PIP5K1C: variants seen among roughly 807,000 people sequenced by gnomAD.
The protein encoded by PIP5K1C is phosphatidylinositol-4-phosphate 5-kinase type 1 gamma, also known as phosphatidylinositol 4-phosphate 5-kinase type-1 gamma.
In PIP5K1C, 45 loss-of-function variants were observed where a neutral mutation model predicts 80.1. The ratio of observed to expected loss-of-function variants is 0.56; its 90% CI spans 0.44 to 0.72. The LOEUF (loss-of-function observed/expected upper bound fraction) is 0.72, where lower values mean the gene tolerates loss of function less well. Ranked by LOEUF, PIP5K1C falls within the 30% of genes least tolerant of loss-of-function variation. The pLI is 0.00. For missense variants in PIP5K1C, 753 were observed against 954.6 expected (o/e 0.79, Z 2.78); for synonymous variants, 498 against 420.1 (o/e 1.19, Z -2.27).
At chr19:3,657,287 T>C (rs998297008) in intron 5 of PIP5K1C, among the ~76,000 whole-genome samples, 5 of 152,230 alleles carry the variant, frequency 3.3e-5, no homozygotes, top group African/African-American at 4.8e-5. Context: ...AGTTTTTTTG[T>C]GTCACTGACT....
At chr19:3,678,610 G>A (rs1237632952) in intron 1 of PIP5K1C, among the ~76,000 whole-genome samples, 2 of 129,420 alleles carry the variant, frequency 1.5e-5, no homozygotes, top group African/African-American at 3.0e-5. Flanking sequence ...ATGGAGGGGT[G>A]GAAGGAGGGA....
chr19:3,651,699 C>G, intron 8 of PIP5K1C, 127 bp downstream of exon 8: 1 of 948,340 alleles, frequency 1.1e-6, no homozygotes, highest in Non-Finnish European at 1.6e-6. Flanking sequence ...CTCCCAGACT[C>G]TGTCTGTCAC....
Position 3,643,358 on chromosome 19 carries a change from T to C in PIP5K1C, c.1534A>G (p.Thr512Ala). 1.9e-6 allele frequency: 3 copies of C among 1,613,668 alleles called. No individual in the cohort carries two copies. Among genetic ancestry groups the C allele is most frequent in the Non-Finnish European group, 2.5e-6 (3 of 1,179,930 alleles). ...DEGRPDLLPC[T>A]PPSFEEATTA... ...GTGGCTTCTTCGAAAGAAGGTGGCG[T>C]GCAGGGCAGGAGGTCGGGCCGGCCT... is the stretch of plus-strand genomic sequence containing the variant. The change falls in exon 13 of 18, where the codon ACG becomes GCG. Residue 512 changes from threonine to alanine, a missense_variant. Around this residue, in one of 6 missense-constraint regions of PIP5K1C, gnomAD observed 315 missense variants for 294.5 expected, o/e 1.07. Transcript: ENST00000335312.
intron 17 of PIP5K1C, 93 bp from the exon 18 acceptor site, chr19:3,633,262 C>T (rs2033525343): frequency 1.4e-6 from 1 of 698,170 alleles, no homozygotes; most frequent in East Asian, 2.7e-5. Context: ...CAACACAGGC[C>T]CTGAGACACT....
chr19:3,678,268 T>G (rs1325405831), intron 1 of PIP5K1C, among the ~76,000 whole-genome samples: 17 of 29,046 alleles, frequency 5.9e-4, no homozygotes, highest in South Asian at 1.3e-3. Context: ...GGTGGAGGAA[T>G]GGAGAATGGA....
intron 1 of PIP5K1C, among the ~76,000 whole-genome samples, chr19:3,682,581 C>T (rs557913645): frequency 2.0e-5 from 3 of 152,004 alleles, no homozygotes; most frequent in East Asian, 1.9e-4. Context: ...CCCGGCTACT[C>T]GGGAGGCTGC....
At chr19:3,657,698 G>C (rs1297071694) in intron 5 of PIP5K1C, among the ~76,000 whole-genome samples, 1 of 151,960 alleles carries the variant, frequency 6.6e-6, no homozygotes, top group Non-Finnish European at 1.5e-5. Flanking sequence ...GGGAGGCTGA[G>C]GAGGATCATT....
intron 1 of PIP5K1C, among the ~76,000 whole-genome samples, chr19:3,669,004 A>G (rs2035113369): frequency 1.3e-5 from 2 of 152,134 alleles, no homozygotes; most frequent in Non-Finnish European, 2.9e-5. Flanking sequence ...CCCAGGGCCC[A>G]GGGGCATGGA....
chr19:3,635,357 G>A, intron 16 of PIP5K1C, among the ~76,000 whole-genome samples: 1 of 152,188 alleles, frequency 6.6e-6, no homozygotes, highest in East Asian at 1.9e-4. Flanking sequence ...GACCAGCCTG[G>A]CCAATATGGC....
chr19:3,700,120 G>A (rs1477730032), intron 1 of PIP5K1C, among the ~76,000 whole-genome samples, 177 bp downstream of exon 1: 4 of 151,824 alleles, frequency 2.6e-5, no homozygotes, highest in Non-Finnish European at 5.9e-5. Context: ...CCCGCTTCCC[G>A]GCGCGGCTTC....
intron 2 of PIP5K1C, among the ~76,000 whole-genome samples, chr19:3,666,392 G>A (rs2035009315): frequency 6.6e-6 from 1 of 152,264 alleles, no homozygotes; most frequent in African/African-American, 2.4e-5. Context: ...CAAAGGCAGG[G>A]CCAACGTGCA....
In PIP5K1C at chr19:3,688,571, C is replaced by T. The variant is rs967729138; in HGVS notation, c.94+11726G>A. ...CCTTTCCCTGGTCCACTGAGAGCCG[C>T]GTGTGTTTTTTGCGGTTTTGCTGGT... On this transcript the variant is annotated intron_variant, in intron 1 of 17. Transcript: ENST00000335312. The surrounding 1 kb of genome is among the most constrained non-coding windows in gnomAD (Gnocchi z 5.3). 3.3e-5 allele frequency among the ~76,000 whole-genome samples: 5 copies of T among 152,214 alleles called. No individual in the cohort carries two copies. Among genetic ancestry groups the T allele is most frequent in the African/African-American group, 1.2e-4 (5 of 41,528 alleles).
intron 2 of PIP5K1C, among the ~76,000 whole-genome samples, chr19:3,665,740 G>A (rs936621318): frequency 6.6e-6 from 1 of 152,152 alleles, no homozygotes; most frequent in South Asian, 2.1e-4. Flanking sequence ...TGGGACCGCC[G>A]ACCCCAGGGG....
chr19:3,663,611 C>T (rs895860423), intron 3 of PIP5K1C, among the ~76,000 whole-genome samples: 3 of 152,154 alleles, frequency 2.0e-5, no homozygotes. Context: ...CCTGGGAGTT[C>T]AAGACCAGCC....
chr19:3,687,586 C>G (rs1320971130), intron 1 of PIP5K1C, among the ~76,000 whole-genome samples: 1 of 150,522 alleles, frequency 6.6e-6, no homozygotes, highest in South Asian at 2.1e-4. Flanking sequence ...CACACACATG[C>G]AGATACACAC....
intron 16 of PIP5K1C, among the ~76,000 whole-genome samples, chr19:3,635,611 G>C (rs1402014183): frequency 6.6e-6 from 1 of 152,008 alleles, no homozygotes; most frequent in Non-Finnish European, 1.5e-5. Context: ...CTTGAACCCA[G>C]GCCAGAGGTT....
At chr19:3,687,832 C>G (rs2035811325) in intron 1 of PIP5K1C, among the ~76,000 whole-genome samples, 1 of 151,824 alleles carries the variant, frequency 6.6e-6, no homozygotes, top group Non-Finnish European at 1.5e-5. Context: ...TTCCCCGCAG[C>G]AGGTGGGCGG....
At position 3,637,732 on chromosome 19, in the gene PIP5K1C, A is replaced by C. The variant is rs1252146620; in HGVS notation, c.1920+1152T>G. 6.6e-7 allele frequency: 1 copy of C among 1,521,354 alleles called. No homozygotes were observed. Among genetic ancestry groups the C allele is most frequent in the African/African-American group, 1.4e-5 (1 of 72,656 alleles). 94.2% of individuals were successfully genotyped at this position (1,521,354 alleles called of 1,614,324 possible). ...GGGAGGTGGCGGGGAGCAGGTGGGG[A>C]CAGCTGACTGCCAAGCAGAAGGTGG... On this transcript the variant is annotated intron_variant, in intron 16 of 17. Transcript: ENST00000335312. The surrounding 1 kb of genome is among the most constrained non-coding windows in gnomAD (Gnocchi z 7.0).
intron 8 of PIP5K1C, among the ~76,000 whole-genome samples, chr19:3,651,067 T>TTTG (rs1568324490): frequency 6.6e-6 from 1 of 150,404 alleles, no homozygotes; most frequent in East Asian, 2.0e-4. Flanking sequence ...TTTTTTTTTT[T>TTTG]TTTTTAAGAC....
Sources: gnomAD v4.1 joint callset for allele counts (sites outside exome capture counted in the v4.1 genomes callset) on GRCh38, gnomAD v4.1.1 for gene constraint, gnomAD v4.1.1 regional missense constraint, Gnocchi (gnomAD v3.1) non-coding constraint, MANE v1.5 for transcripts, NCBI Gene and HGNC (gene_info 2026-07-23, HGNC 2026-07-21) for gene names.